Variants in ST6GALNAC3 observed in about 807,000 individuals in gnomAD.
ST6GALNAC3 encodes alpha-N-acetylgalactosaminide alpha-2,6-sialyltransferase 3.
A neutral mutation model predicts 32.7 loss-of-function variants in ST6GALNAC3; 25 were observed. That is an observed-to-expected ratio of 0.76 (90% CI 0.56 to 1.07). The LOEUF is 1.07. Ranked by LOEUF, ST6GALNAC3 falls within the 50% of genes least tolerant of loss-of-function variation. ST6GALNAC3 has a pLI of 0.00. For missense variants in ST6GALNAC3, 355 were observed against 382.4 expected (o/e 0.93, Z 0.60); for synonymous variants, 129 against 133.1 (o/e 0.97, Z 0.21).
intron 1 of ST6GALNAC3, among the ~76,000 whole-genome samples, chr1:76,206,033 T>G (rs890876033): frequency 2.6e-5 from 4 of 152,212 alleles, no homozygotes; most frequent in Non-Finnish European, 4.4e-5. Context: ...CTTTTCATAT[T>G]ATGGCTTGGT....
At chr1:76,636,267 C>T (rs553323928), downstream of ST6GALNAC3, among the ~76,000 whole-genome samples, 21 of 152,248 alleles carry the variant, frequency 1.4e-4, no homozygotes, top group East Asian at 3.7e-3. Context: ...ATAGAAGTAA[C>T]GTGACTTTTA....
intron 1 of ST6GALNAC3, among the ~76,000 whole-genome samples, chr1:76,231,851 T>C (rs1367168296): frequency 6.6e-6 from 1 of 152,254 alleles, no homozygotes; most frequent in Non-Finnish European, 1.5e-5. Flanking sequence ...TTGTGGATAT[T>C]CCCAGAAGTG....
chr1:76,515,551 G>A (rs1445599348), intron 3 of ST6GALNAC3, among the ~76,000 whole-genome samples: 1 of 152,046 alleles, frequency 6.6e-6, no homozygotes, highest in African/African-American at 2.4e-5. Context: ...GGCATTTATT[G>A]CTATGAACTT....
At chr1:76,379,560 G>C (rs1462057138) in intron 2 of ST6GALNAC3, among the ~76,000 whole-genome samples, 1 of 152,180 alleles carries the variant, frequency 6.6e-6, no homozygotes, top group Non-Finnish European at 1.5e-5. Flanking sequence ...TCTCATGACG[G>C]CTTTTGGTTT....
intron 3 of ST6GALNAC3, among the ~76,000 whole-genome samples, chr1:76,539,768 A>G (rs369592241): frequency 2.0e-5 from 3 of 152,262 alleles, no homozygotes; most frequent in South Asian, 2.1e-4. Context: ...CTCCACATCA[A>G]TGATCATCAG....
intron 3 of ST6GALNAC3, among the ~76,000 whole-genome samples, chr1:76,570,198 T>G (rs1052138113): frequency 7.9e-5 from 12 of 152,132 alleles, no homozygotes; most frequent in Non-Finnish European, 1.5e-5. Context: ...AAGAAGACAT[T>G]TAAACCTTTA....
chr1:76,609,455 G>A (rs369949331), intron 3 of ST6GALNAC3, among the ~76,000 whole-genome samples: 7 of 152,048 alleles, frequency 4.6e-5, no homozygotes, highest in South Asian at 2.1e-4. Flanking sequence ...TATTTGGAGT[G>A]GATATTGCAT....
intron 3 of ST6GALNAC3, among the ~76,000 whole-genome samples, chr1:76,484,135 G>T (rs1420113409): frequency 6.6e-6 from 1 of 151,444 alleles, no homozygotes; most frequent in Non-Finnish European, 1.5e-5. Context: ...CCTTGTAGCA[G>T]AGTTTGAAGT....
rs1401116183 is a variant in ST6GALNAC3, at chr1:76,313,692, A to G, written c.19-113A>G. 2.7e-6 allele frequency: 3 copies of G among 1,108,696 alleles called. No homozygotes were observed. The African/African-American group carries it at 4.6e-5, about 17-fold the overall frequency. The allele number at this position is 1,108,696 out of a possible 1,614,324, so 68.7% of individuals were successfully genotyped here. A position where few individuals can be genotyped will look rare whatever the true frequency, so the allele number is the denominator to read the frequency against. On this transcript the variant is annotated intron_variant, in intron 1 of 4. Coordinates refer to ENST00000328299, the MANE Select transcript of ST6GALNAC3 (RefSeq NM_152996.4). ...TTCCAGGTAAAATATGCTGAATGAC[A>G]GAATCCTTCGACCCCTATGAAAGAA...
chr1:76,256,015 A>AACACACACACACACAC lies in ST6GALNAC3; in HGVS notation c.19-57778_19-57763dup, dbSNP rs10635688. On this transcript the variant is annotated intron_variant, in intron 1 of 4. Transcript: ENST00000328299. Reference sequence around the variant, plus strand: ...ATTTTTTCAAAAGACTGTCAGTGGTAACACACACACACACACACACACACA... The same window carrying AACACACACACACACAC: ...ATTTTTTCAAAAGACTGTCAGTGGTAACACACACACACACACACACACACACACACACACACACACA... 7.9e-3 allele frequency among the ~76,000 whole-genome samples: 1,169 copies of AACACACACACACACAC among 148,538 alleles called. 15 individuals carry two copies. The highest frequency in any genetic ancestry group is 0.027 in the African/African-American group (1,090 of 40,200).
intron 2 of ST6GALNAC3, among the ~76,000 whole-genome samples, chr1:76,326,558 A>G (rs900751799): frequency 6.6e-6 from 1 of 152,152 alleles, no homozygotes; most frequent in Non-Finnish European, 1.5e-5. Flanking sequence ...CTAATATCTT[A>G]TCTACACAAG....
rs981171417 is a variant in ST6GALNAC3 at position 76,634,599 on chromosome 1, A to C, written c.*5793A>C. The C allele has an allele frequency of 2.6e-5, 4 of 152,172 alleles. No individual in the cohort carries two copies. In the East Asian group the frequency reaches 7.7e-4, roughly 29 times the overall value. The allele number at this position is 152,172 out of a possible 1,614,324, so 9.4% of individuals were successfully genotyped here. ...CTTAGAATAAAGCTTACAAAATGGC[A>C]AAGAGCTATTGGCATATTTCAGTTT... On this transcript the variant is annotated 3_prime_UTR_variant, in exon 5 of 5. Coordinates refer to ENST00000328299, the MANE Select transcript of ST6GALNAC3 (RefSeq NM_152996.4).
At chr1:76,131,055 T>G (rs1400564559) in intron 1 of ST6GALNAC3, among the ~76,000 whole-genome samples, 3 of 152,228 alleles carry the variant, frequency 2.0e-5, no homozygotes, top group Admixed American at 6.5e-5. Flanking sequence ...ATGGGGTATG[T>G]GTTGTCTCCA....
intron 2 of ST6GALNAC3, among the ~76,000 whole-genome samples, chr1:76,371,586 G>A (rs906084465): frequency 6.6e-6 from 1 of 152,108 alleles, no homozygotes; most frequent in African/African-American, 2.4e-5. Context: ...AGAGTGGTTG[G>A]GTCAGATTAT....
At chr1:76,441,795 A>C (rs913523048) in intron 3 of ST6GALNAC3, among the ~76,000 whole-genome samples, 1 of 151,924 alleles carries the variant, frequency 6.6e-6, no homozygotes, top group Non-Finnish European at 1.5e-5. Context: ...GAGTCCACAC[A>C]CTTACCTGTC....
intron 1 of ST6GALNAC3, among the ~76,000 whole-genome samples, chr1:76,247,444 G>A (rs549845387): frequency 6.6e-6 from 1 of 152,122 alleles, no homozygotes; most frequent in East Asian, 1.9e-4. Context: ...CCCCCTAAGT[G>A]CTCTGTCCCA....
intron 3 of ST6GALNAC3, among the ~76,000 whole-genome samples, chr1:76,553,097 T>C (rs1664732053): frequency 6.6e-6 from 1 of 152,180 alleles, no homozygotes; most frequent in African/African-American, 2.4e-5. Flanking sequence ...TGGTAATCAA[T>C]AGTGTTTCAA....
rs1649418840 is a variant in ST6GALNAC3 at position 76,633,998 on chromosome 1, C to T, written c.*5192C>T. The stretch of plus-strand genomic sequence containing the variant: ...TGCTAAGGCATCGAATCAGAACTGT[C>T]CTTGGGCGTTGTAACAGTGCAGAAA... On this transcript the variant is annotated 3_prime_UTR_variant, in exon 5 of 5. Coordinates refer to ENST00000328299, the MANE Select transcript of ST6GALNAC3 (RefSeq NM_152996.4). The T allele has an allele frequency of 4.9e-6, 1 of 202,086 alleles. No homozygotes were observed. Among genetic ancestry groups the T allele is most frequent in the South Asian group, 1.7e-4 (1 of 5,756 alleles). The allele number at this position is 202,086 out of a possible 1,614,324, so 12.5% of individuals were successfully genotyped here. A position where few individuals can be genotyped will look rare whatever the true frequency, so the allele number is the denominator to read the frequency against.
At chr1:76,391,465 C>A (rs1652541289) in intron 2 of ST6GALNAC3, among the ~76,000 whole-genome samples, 1 of 152,112 alleles carries the variant, frequency 6.6e-6, no homozygotes, top group South Asian at 2.1e-4. Flanking sequence ...AACCAGCTAA[C>A]AAAACATTTG....
Sources: gnomAD v4.1 joint callset for allele counts (sites outside exome capture counted in the v4.1 genomes callset) on GRCh38, gnomAD v4.1.1 for gene constraint, MANE v1.5 for transcripts, NCBI Gene and HGNC (gene_info 2026-07-23, HGNC 2026-07-21) for gene names.